SMIM19: variants seen among roughly 807,000 people sequenced by gnomAD.
SMIM19 encodes the protein UPF0697 protein C8orf40.
SMIM19 carries 6 observed loss-of-function variants against 13.2 expected under a neutral mutation model. The observed-to-expected ratio is 0.45, with a 90% CI of 0.25 to 0.90. The LOEUF is 0.90. Ranked by LOEUF, SMIM19 falls within the 40% of genes least tolerant of loss-of-function variation. The pLI is 0.19. For missense variants in SMIM19, 138 were observed against 131.0 expected, an observed-to-expected ratio of 1.05 and a Z score of -0.26; for synonymous variants, 46 against 43.1, an observed-to-expected ratio of 1.07 and a Z score of -0.27.
rs1170664238 is a variant in SMIM19 at position 42,552,896 on chromosome 8, A to C, written c.*288A>C. On this transcript the variant is annotated 3_prime_UTR_variant, in exon 4 of 4. Transcript: ENST00000417410. ...AGGATACAATCAGTGAGAAATAAAA[A>C]CACATCTTGGGAAGTGGGAATCCTG... 2.2e-5 allele frequency: 7 copies of C among 320,602 alleles called. No homozygotes were observed. The highest frequency in any genetic ancestry group is 3.4e-5 in the Non-Finnish European group (6 of 176,234). 19.9% of individuals were successfully genotyped at this position (320,602 alleles called of 1,614,324 possible). A position where few individuals can be genotyped will look rare whatever the true frequency, so the allele number is the denominator to read the frequency against.
chr8:42,542,940 A>G (rs1813313938), intron 1 of SMIM19, among the ~76,000 whole-genome samples: 1 of 150,846 alleles, frequency 6.6e-6, no homozygotes, highest in Non-Finnish European at 1.5e-5. Flanking sequence ...AGATCGCACC[A>G]CTGCCCTCCA....
chr8:42,545,938 G>C (rs1378305697), intron 1 of SMIM19, among the ~76,000 whole-genome samples: 1 of 152,146 alleles, frequency 6.6e-6, no homozygotes, highest in Non-Finnish European at 1.5e-5. Context: ...TTTATCCCAA[G>C]TTTCTTAAAG....
chr8:42,552,621 A>G lies in SMIM19; in HGVS notation c.*13A>G. 1 of 1,613,722 alleles carries G rather than the reference A, an allele frequency of 6.2e-7. No homozygotes were observed. The highest frequency in any genetic ancestry group is 2.2e-5 in the East Asian group (1 of 44,878). On this transcript the variant is annotated 3_prime_UTR_variant, in exon 4 of 4. Transcript: ENST00000417410. ...CTCATTGGAATGAAACCTCAGAAAA[A>G]GAGCAACAGAAGTAATTGTTTCAAG...
chr8:42,542,561 G>T (rs1441587414), intron 1 of SMIM19, 188 bp downstream of exon 1: 1 of 796,144 alleles, frequency 1.3e-6, no homozygotes, highest in Non-Finnish European at 1.5e-6. Context: ...TTCAAGGCAC[G>T]ATGACAAGCG....
chr8:42,546,358 A>G (rs1813481908), intron 1 of SMIM19, 111 bp from the exon 2 acceptor site: 2 of 1,288,594 alleles, frequency 1.6e-6, no homozygotes, highest in Non-Finnish European at 2.0e-6. Context: ...GCCGCACACA[A>G]ACAGGTGGTG....
At chr8:42,541,428 G>T (rs1813143220), upstream of SMIM19, 1 of 147,200 alleles carries the variant, frequency 6.8e-6, no homozygotes, top group Non-Finnish European at 1.5e-5. Context: ...GCGCGGTAGG[G>T]GAAAGGAGCC....
rs1378763640 is a variant in SMIM19 at position 42,546,460 on chromosome 8, C to G, written c.-4-9C>G. The G allele has an allele frequency of 2.5e-6, 4 of 1,592,252 alleles. No individual in the cohort carries two copies. The highest frequency in any genetic ancestry group is 3.4e-6 in the Non-Finnish European group (4 of 1,174,224). ...TAAAAGAAACCCTGCTTTCTTTTCT[C>G]TCTTACAGCCCCATGGCTGGGGGTT... On this transcript the variant is annotated splice_polypyrimidine_tract_variant and intron_variant, in intron 1 of 3. Coordinates refer to ENST00000417410, the MANE Select transcript of SMIM19 (RefSeq NM_001135674.2).
rs546995596 is a variant in SMIM19, at chr8:42,549,661, G to C, written c.259+881G>C. Among the ~76,000 whole-genome samples the C allele has an allele frequency of 5.3e-5, 8 of 152,144 alleles. No individual in the cohort carries two copies. In the South Asian group the frequency reaches 1.7e-3, roughly 32 times the overall value. On this transcript the variant is annotated intron_variant, in intron 3 of 3. Transcript: ENST00000417410. The stretch of plus-strand genomic sequence containing the variant: ...GCTCTGTGGATGGATGGTGGTGATA[G>C]TCCCAGCAATGCAAATATATGTAAT...
At chr8:42,542,587 A>G in intron 1 of SMIM19, 1 of 574,676 alleles carries the variant, frequency 1.7e-6, no homozygotes, top group South Asian at 7.6e-5. Flanking sequence ...CAATTTTAGA[A>G]TCACCTAGAC....
intron 1 of SMIM19, chr8:42,542,597 C>T (rs1386029440): frequency 2.4e-6 from 1 of 410,612 alleles, no homozygotes; most frequent in African/African-American, 2.2e-5. Context: ...ATCACCTAGA[C>T]GTGACATCAG....
chr8:42,548,902 A>G (rs912257122), intron 3 of SMIM19, 122 bp downstream of exon 3: 4 of 995,240 alleles, frequency 4.0e-6, no homozygotes, highest in Non-Finnish European at 5.7e-6. Context: ...TACTTCTTTC[A>G]GATGTTTAAT....
chr8:42,552,402 AG>A (rs1563570581), intron 3 of SMIM19, 141 bp from the exon 4 acceptor site: 1 of 849,188 alleles, frequency 1.2e-6, no homozygotes, highest in Non-Finnish European at 1.8e-6. Context: ...TGGGTATCAG[AG>A]GGAGACTCTA....
chr8:42,543,632 T>C (rs1240745199), intron 1 of SMIM19, among the ~76,000 whole-genome samples: 2 of 152,210 alleles, frequency 1.3e-5, no homozygotes, highest in East Asian at 1.9e-4. Flanking sequence ...AGTAGGAATA[T>C]ACCATTTACT....
Position 42,543,364 on chromosome 8 carries a change from C to T in SMIM19, c.-5+991C>T, listed in dbSNP as rs115274214. On this transcript the variant is annotated intron_variant, in intron 1 of 3. Coordinates refer to ENST00000417410, the MANE Select transcript of SMIM19 (RefSeq NM_001135674.2). ...TCCTGGCAGCCTTATAAAGTCATGC[C>T]ATTGATCATGATTGAGGACTGGGCG... Among the ~76,000 whole-genome samples the T allele has an allele frequency of 2.5e-3, 374 of 152,254 alleles. 4 individuals carry two copies. Among genetic ancestry groups the T allele is most frequent in the African/African-American group, 8.5e-3 (353 of 41,532 alleles).
intron 1 of SMIM19, 104 bp downstream of exon 1, chr8:42,542,477 T>G (rs1461844342): frequency 1.0e-6 from 1 of 985,154 alleles, no homozygotes; most frequent in Non-Finnish European, 1.2e-6. Context: ...TAAGGGACTC[T>G]AGGAACTAAG....
At chr8:42,548,993 A>C (rs1311682868) in intron 3 of SMIM19, among the ~76,000 whole-genome samples, 2 of 152,320 alleles carry the variant, frequency 1.3e-5, no homozygotes, top group Admixed American at 1.3e-4. Context: ...TAAGACATAT[A>C]ACTTAATTCA....
chr8:42,542,608 G>A (rs1563565444), intron 1 of SMIM19: 1 of 336,352 alleles, frequency 3.0e-6, no homozygotes, highest in Non-Finnish European at 4.2e-6. Context: ...GTGACATCAG[G>A]AACCCAAAAT....
intron 3 of SMIM19, among the ~76,000 whole-genome samples, chr8:42,551,072 G>A (rs904262356): frequency 4.0e-5 from 6 of 151,786 alleles, no homozygotes; most frequent in African/African-American, 7.3e-5. Context: ...TAATCCCAGC[G>A]CTTTGGGAGG....
chr8:42,551,673 G>A (rs1813678940), intron 3 of SMIM19, among the ~76,000 whole-genome samples: 1 of 152,168 alleles, frequency 6.6e-6, no homozygotes, highest in African/African-American at 2.4e-5. Context: ...CAGGCATGAT[G>A]GCTCACACCT....
Sources: allele counts gnomAD v4.1 joint callset (sites outside exome capture counted in the v4.1 genomes callset), GRCh38; gene constraint gnomAD v4.1.1; transcripts MANE v1.5; gene names NCBI Gene and HGNC (gene_info 2026-07-23, HGNC 2026-07-21).